Variants in CEP135 observed in about 807,000 individuals in gnomAD.
CEP135 encodes the protein centrosomal protein of 135 kDa.
CEP135 carries 142 observed loss-of-function variants against 157.3 expected under a neutral mutation model. The ratio of observed to expected loss-of-function variants is 0.90; its 90% confidence interval spans 0.79 to 1.04. The LOEUF is 1.04. Ranked by LOEUF, CEP135 falls within the 50% of genes least tolerant of loss-of-function variation. CEP135 has a pLI of 0.00. For missense variants in CEP135, 1,317 were observed against 1,309.2 expected, an observed-to-expected ratio of 1.01 and a Z score of -0.09; for synonymous variants, 396 against 439.8, an observed-to-expected ratio of 0.90 and a Z score of 1.25.
rs148378268 is a variant in CEP135 at position 55,970,755 on chromosome 4, C to G, written c.1111-515C>G. Reference sequence around the variant, plus strand: ...TAAGAATGATAATATTGATAGCTAACATTTTTTAAGTACTTACCGTGGTGG... The same window carrying G: ...TAAGAATGATAATATTGATAGCTAAGATTTTTTAAGTACTTACCGTGGTGG... On this transcript the variant is annotated intron_variant, in intron 9 of 25. Coordinates refer to ENST00000257287, the MANE Select transcript of CEP135 (RefSeq NM_025009.5). Among the ~76,000 whole-genome samples the G allele has an allele frequency of 4.7e-3, 712 of 152,236 alleles. 4 individuals carry two copies. Among genetic ancestry groups the G allele is most frequent in the Middle Eastern group, 0.01 (3 of 294 alleles).
rs1318828049 is a variant in CEP135 at position 55,981,339 on chromosome 4, G to T, written c.1739G>T (p.Arg580Ile). ...EKELALSDLRRIMAEKEALRE... is the reference protein window; with the variant it reads ...EKELALSDLRIIMAEKEALRE... Reference sequence around the variant, plus strand: ...GAACTTGCGTTATCTGACTTAAGAAGAATTATGGCAGAAAAGGAAGCTTTA... The same window carrying T: ...GAACTTGCGTTATCTGACTTAAGAATAATTATGGCAGAAAAGGAAGCTTTA... The change falls in exon 13 of 26, where the codon AGA becomes ATA. Residue 580 changes from arginine to isoleucine, a missense_variant. Transcript: ENST00000257287. The T allele has an allele frequency of 1.3e-6, 2 of 1,585,372 alleles. No individual in the cohort carries two copies. The highest frequency in any genetic ancestry group is 1.7e-6 in the Non-Finnish European group (2 of 1,171,802).
In CEP135 at chr4:55,952,158, A is replaced by G. The variant is rs1728376917; in HGVS notation, c.28A>G (p.Ile10Val). MTTAVERKY[I>V]NIRKRLDQLG... Reference sequence around the variant, plus strand: ...GACTACAGCTGTAGAGAGAAAGTATATTAATATTAGGAAAAGGCTGGATCA... The same window carrying G: ...GACTACAGCTGTAGAGAGAAAGTATGTTAATATTAGGAAAAGGCTGGATCA... The change falls in exon 2 of 26, where the codon ATT (isoleucine) becomes GTT (valine). Residue 10 changes from isoleucine (I) to valine (V), a missense_variant. Transcript: ENST00000257287. 1 of 1,610,908 alleles carries G rather than the reference A, an allele frequency of 6.2e-7. No homozygotes were observed. The highest frequency in any genetic ancestry group is 2.2e-5 in the East Asian group (1 of 44,858).
intron 15 of CEP135, among the ~76,000 whole-genome samples, chr4:55,996,712 G>A (rs578182151): frequency 3.3e-5 from 5 of 150,314 alleles, no homozygotes; most frequent in African/African-American, 7.3e-5. Context: ...ATCAGTCTCC[G>A]TCTTTTTTTT....
rs1041156693 is a variant in CEP135 at position 56,008,383 on chromosome 4, G to C, written c.2336+1G>C. 1.2e-6 allele frequency: 2 copies of C among 1,606,338 alleles called. No individual in the cohort carries two copies. Among genetic ancestry groups the C allele is most frequent in the Non-Finnish European group, 1.7e-6 (2 of 1,175,738 alleles). ...TCTCAGAGTGTGAATCATCTGTGAA[G>C]TAAGTCATTAATGAAATTACATCCA... On this transcript the variant is annotated splice_donor_variant, in intron 18 of 25. Coordinates refer to ENST00000257287, the MANE Select transcript of CEP135 (RefSeq NM_025009.5). LOFTEE classifies it high-confidence loss of function.
intron 14 of CEP135, among the ~76,000 whole-genome samples, chr4:55,990,965 T>G (rs1729768193): frequency 6.6e-6 from 1 of 151,950 alleles, no homozygotes; most frequent in African/African-American, 2.4e-5. Flanking sequence ...ATCTTCACTG[T>G]TCTAATTATA....
chr4:56,004,394 A>C (rs1320828371), intron 17 of CEP135, among the ~76,000 whole-genome samples: 1 of 152,186 alleles, frequency 6.6e-6, no homozygotes, highest in African/African-American at 2.4e-5. Flanking sequence ...CAGTTGGGTG[A>C]AATGTTCTGT....
chr4:56,012,874 C>T (rs576202321), intron 21 of CEP135, among the ~76,000 whole-genome samples: 2 of 152,076 alleles, frequency 1.3e-5, no homozygotes, highest in African/African-American at 4.8e-5. Context: ...TATATCTGTT[C>T]GGGTGCTTGC....
intron 25 of CEP135, among the ~76,000 whole-genome samples, chr4:56,026,534 G>A (rs1224512525): frequency 6.6e-6 from 1 of 152,188 alleles, no homozygotes; most frequent in African/African-American, 2.4e-5. Context: ...TCTTGTTGCT[G>A]TGTATGGAAT....
intron 17 of CEP135, among the ~76,000 whole-genome samples, chr4:56,000,066 C>T (rs1346703249): frequency 6.6e-6 from 1 of 151,974 alleles, no homozygotes; most frequent in Non-Finnish European, 1.5e-5. Flanking sequence ...TGGTGTGCAC[C>T]TGTGGTCCCA....
Position 56,020,761 on chromosome 4 carries a change from T to G in CEP135, c.3301T>G (p.Ser1101Ala), listed in dbSNP as rs1247419321. The change falls in exon 24 of 26, where the codon TCA (serine) becomes GCA (alanine). Residue 1101 changes from serine (S) to alanine (A), a missense_variant. Transcript: ENST00000257287. ...TTATGATGCTCTGAAAAGGCAGATC[T>G]CAACTGAAAGATACGAACGGTAAGA... ...TDYDALKRQISTERYERERAI... is the reference protein window; with the variant it reads ...TDYDALKRQIATERYERERAI... The G allele has an allele frequency of 6.2e-7, 1 of 1,613,180 alleles. No homozygotes were observed. The highest frequency in any genetic ancestry group is 8.5e-7 in the Non-Finnish European group (1 of 1,179,582).
At chr4:56,021,830 A>G (rs545385341) in intron 24 of CEP135, among the ~76,000 whole-genome samples, 1 of 152,272 alleles carries the variant, frequency 6.6e-6, no homozygotes, top group South Asian at 2.1e-4. Flanking sequence ...GTTTGAAATC[A>G]GCGTGAGCAA....
intron 25 of CEP135, among the ~76,000 whole-genome samples, chr4:56,026,108 C>T (rs956083657): frequency 1.1e-4 from 17 of 152,036 alleles, no homozygotes; most frequent in African/African-American, 3.9e-4. Context: ...ACTTGGGATG[C>T]GGAGGCAGGA....
At chr4:55,982,705 T>G (rs569201724) in intron 13 of CEP135, among the ~76,000 whole-genome samples, 14 of 152,200 alleles carry the variant, frequency 9.2e-5, no homozygotes, top group Non-Finnish European at 1.6e-4. Flanking sequence ...CTTTCCCCCA[T>G]TCTGTGGGTC....
intron 15 of CEP135, among the ~76,000 whole-genome samples, chr4:55,996,471 A>G (rs1417060514): frequency 6.6e-6 from 1 of 152,182 alleles, no homozygotes; most frequent in Non-Finnish European, 1.5e-5. Context: ...AAGAGGAACC[A>G]GAGCCCTGAG....
chr4:55,971,465 G>A, intron 10 of CEP135, 57 bp downstream of exon 10: 1 of 1,457,276 alleles, frequency 6.9e-7, no homozygotes, highest in Non-Finnish European at 9.3e-7. Flanking sequence ...TTGATGTATT[G>A]TTTTTCTTAG....
chr4:56,016,090 G>A (rs896289546), intron 21 of CEP135, among the ~76,000 whole-genome samples: 1 of 152,144 alleles, frequency 6.6e-6, no homozygotes, highest in African/African-American at 2.4e-5. Context: ...TTTAGATACA[G>A]TACGTACAGA....
At chr4:56,025,968 G>A (rs1044078345) in intron 25 of CEP135, among the ~76,000 whole-genome samples, 2 of 151,850 alleles carry the variant, frequency 1.3e-5, no homozygotes, top group East Asian at 1.9e-4. Flanking sequence ...CAGCACTTTG[G>A]GAGGCCGAGG....
rs375071649 is a variant in CEP135, at chr4:56,019,544, T to C, written c.3204T>C (p.Ser1068=). The C allele has an allele frequency of 6.8e-6, 11 of 1,608,976 alleles. No homozygotes were observed. In the African/African-American group the frequency reaches 1.5e-4, roughly 22 times the overall value. ...IQLLKEKLTL[S]ESKLTSQSRE... ...TACTTAAGGAGAAGTTAACCCTTTC[T>C]GAAAGCAAATTGTAAGTGTCTTAAG... The change falls in exon 23 of 26, where the codon TCT becomes TCC. Residue 1068 remains serine (S), a synonymous_variant. Transcript: ENST00000257287.
intron 13 of CEP135, among the ~76,000 whole-genome samples, chr4:55,983,434 A>G (rs1729476070): frequency 6.6e-6 from 1 of 152,144 alleles, no homozygotes; most frequent in Non-Finnish European, 1.5e-5. Flanking sequence ...TTATTCCACT[A>G]TCTAACCAGT....
Sources: allele counts gnomAD v4.1 joint callset (sites outside exome capture counted in the v4.1 genomes callset), GRCh38; gene constraint gnomAD v4.1.1; transcripts MANE v1.5; gene names NCBI Gene and HGNC (gene_info 2026-07-23, HGNC 2026-07-21).